ACOT11: variants seen among roughly 807,000 people sequenced by gnomAD.
The protein encoded by ACOT11 is acyl-coenzyme A thioesterase 11.
In ACOT11, 69 loss-of-function variants were observed where a neutral mutation model predicts 77.5. That is an observed-to-expected ratio of 0.89 (90% CI 0.73 to 1.09). The LOEUF (loss-of-function observed/expected upper bound fraction) is 1.09, where lower values mean the gene tolerates loss of function less well. Ranked by LOEUF, ACOT11 falls within the 50% of genes least tolerant of loss-of-function variation. The pLI is 0.00. For missense variants in ACOT11, 766 were observed against 813.7 expected, an observed-to-expected ratio of 0.94 and a Z score of 0.71; for synonymous variants, 279 against 313.0, an observed-to-expected ratio of 0.89 and a Z score of 1.15.
intron 1 of ACOT11, among the ~76,000 whole-genome samples, chr1:54,583,912 T>A (rs775108231): frequency 2.0e-5 from 3 of 152,132 alleles, no homozygotes; most frequent in African/African-American, 4.8e-5. Flanking sequence ...CCCTTTCCTC[T>A]TCCTCCCTTC....
exon 17 of ACOT11, chr1:54,635,613 C>G (rs1440351628): frequency 5.1e-6 from 1 of 197,870 alleles, no homozygotes; most frequent in Admixed American, 6.0e-5. Context: ...CTTAAAGGAG[C>G]TGCAGAAAAA....
At chr1:54,589,436 C>T (rs1654627162) in intron 3 of ACOT11, among the ~76,000 whole-genome samples, 1 of 150,558 alleles carries the variant, frequency 6.6e-6, no homozygotes, top group African/African-American at 2.4e-5. Flanking sequence ...AATGCCCAAA[C>T]TGTCTCATGA....
chr1:54,601,376 A>G lies in ACOT11; in HGVS notation c.992A>G (p.Gln331Arg). The change falls in exon 9 of 16, where the codon CAG becomes CGG. Residue 331 changes from glutamine to arginine, a missense_variant. Coordinates refer to ENST00000343744, the MANE Select transcript of ACOT11 (RefSeq NM_147161.4). ...MTFVVLDADDQPQLLPWIRPQ... is the reference protein window; with the variant it reads ...MTFVVLDADDRPQLLPWIRPQ... ...TTTGTGGTCCTGGACGCAGATGACC[A>G]GCCCCAGTTGCTGCCCTGGATTCGG... 6.2e-7 allele frequency: 1 copy of G among 1,613,560 alleles called. No individual in the cohort carries two copies. Among genetic ancestry groups the G allele is most frequent in the East Asian group, 2.2e-5 (1 of 44,880 alleles).
At chr1:54,562,403 G>A (rs1287804229) in intron 1 of ACOT11, among the ~76,000 whole-genome samples, 1 of 73,788 alleles carries the variant, frequency 1.4e-5, no homozygotes, top group East Asian at 3.8e-4. Context: ...GGGCAGAGGC[G>A]CCCCTCACCT....
intron 1 of ACOT11, among the ~76,000 whole-genome samples, chr1:54,564,592 G>A (rs1231414149): frequency 1.3e-5 from 2 of 152,242 alleles, no homozygotes; most frequent in African/African-American, 2.4e-5. Flanking sequence ...CCACACCTGG[G>A]CCGAGCTGAA....
At chr1:54,585,547 TC>T (rs1217065144) in intron 2 of ACOT11, among the ~76,000 whole-genome samples, 3 of 152,224 alleles carry the variant, frequency 2.0e-5, no homozygotes, top group Non-Finnish European at 4.4e-5. Flanking sequence ...CAGGCACTGT[TC>T]CAGGACTGGG....
At chr1:54,629,891 TA>T (rs1302709603) in intron 15 of ACOT11, among the ~76,000 whole-genome samples, 1 of 132,794 alleles carries the variant, frequency 7.5e-6, no homozygotes, top group African/African-American at 2.6e-5. Context: ...GTTTAATGTT[TA>T]TTTTTTTATT....
intron 15 of ACOT11, among the ~76,000 whole-genome samples, chr1:54,625,968 A>C (rs1053509634): frequency 7.0e-6 from 1 of 142,474 alleles, no homozygotes; most frequent in Non-Finnish European, 1.6e-5. Flanking sequence ...GAAAGAAAAA[A>C]AGAAAAGAAA....
chr1:54,605,212 G>A lies in ACOT11; in HGVS notation c.1370+3G>A. ...CCAGAGTGGGACAAGCACTACCGGT[G>A]AGGGGCCAGGGTGAGGGCAGGGCAG... On this transcript the variant is annotated splice_donor_region_variant and intron_variant, in intron 13 of 15. Coordinates refer to ENST00000343744, the MANE Select transcript of ACOT11 (RefSeq NM_147161.4). 1.9e-6 allele frequency: 3 copies of A among 1,612,510 alleles called. No individual in the cohort carries two copies. Among genetic ancestry groups the A allele is most frequent in the Non-Finnish European group, 2.5e-6 (3 of 1,179,952 alleles).
chr1:54,612,273 A>G (rs1165930510), downstream of ACOT11, among the ~76,000 whole-genome samples: 1 of 151,634 alleles, frequency 6.6e-6, no homozygotes, highest in Non-Finnish European at 1.5e-5. Flanking sequence ...GAGGGCAGAG[A>G]ATTACCCACC....
chr1:54,565,333 A>T (rs2100953917), intron 1 of ACOT11, among the ~76,000 whole-genome samples: 1 of 152,284 alleles, frequency 6.6e-6, no homozygotes, highest in South Asian at 2.1e-4. Context: ...GGCTCATATC[A>T]TGCAGAAGGT....
intron 1 of ACOT11, among the ~76,000 whole-genome samples, chr1:54,566,231 C>A (rs1433274553): frequency 6.6e-6 from 1 of 152,044 alleles, no homozygotes; most frequent in Non-Finnish European, 1.5e-5. Context: ...CCGAGGCAGG[C>A]GGATCACTTG....
Position 54,609,116 on chromosome 1 carries a change from C to A in ACOT11, c.*4C>A, listed in dbSNP as rs758152778. 3 of 1,613,954 alleles carry A rather than the reference C, an allele frequency of 1.9e-6. No homozygotes were observed. The highest frequency in any genetic ancestry group is 2.5e-6 in the Non-Finnish European group (3 of 1,179,954). ...CCCCAGCCTCCAGACCCTCTAGATG[C>A]CCTCAGTGGCCACATCATGCCCACT... is the stretch of plus-strand genomic sequence containing the variant. On this transcript the variant is annotated 3_prime_UTR_variant, in exon 16 of 16. Coordinates refer to ENST00000343744, the MANE Select transcript of ACOT11 (RefSeq NM_147161.4).
chr1:54,601,918 C>T (rs978544434), intron 9 of ACOT11, among the ~76,000 whole-genome samples: 5 of 152,244 alleles, frequency 3.3e-5, no homozygotes, highest in Non-Finnish European at 7.3e-5. Context: ...AGTCAGGAGC[C>T]TGGTGCAAGG....
intron 1 of ACOT11, among the ~76,000 whole-genome samples, chr1:54,579,933 A>G (rs182487341): frequency 2.0e-5 from 3 of 152,272 alleles, no homozygotes; most frequent in East Asian, 1.9e-4. Context: ...ACTTTGAACT[A>G]TGTTTGGGTC....
intron 10 of ACOT11, 23 bp from the exon 11 acceptor site, chr1:54,603,848 T>C: frequency 1.2e-6 from 2 of 1,612,546 alleles, no homozygotes; most frequent in African/African-American, 1.3e-5. Flanking sequence ...GGGACCAAGG[T>C]TGTCATCTTC....
At chr1:54,598,477 T>A (rs1643914639) in intron 7 of ACOT11, 1 of 152,310 alleles carries the variant, frequency 6.6e-6, no homozygotes, top group African/African-American at 2.4e-5. Flanking sequence ...TGGGCAGAAC[T>A]GCCACTGGGT....
intron 1 of ACOT11, among the ~76,000 whole-genome samples, chr1:54,575,109 CA>C (rs1291692116): frequency 2.8e-5 from 4 of 142,450 alleles, no homozygotes; most frequent in Non-Finnish European, 5.9e-5. Flanking sequence ...TACAAGCAAG[CA>C]GGTGTCTTCA....
intron 1 of ACOT11, among the ~76,000 whole-genome samples, chr1:54,568,825 G>A (rs555757780): frequency 9.9e-4 from 151 of 152,092 alleles, no homozygotes; most frequent in African/African-American, 3.5e-3. Context: ...ATAGCTCATC[G>A]TAACCTTGAA....
Sources: gnomAD v4.1 joint callset for allele counts (sites outside exome capture counted in the v4.1 genomes callset) on GRCh38, gnomAD v4.1.1 for gene constraint, MANE v1.5 for transcripts, NCBI Gene and HGNC (gene_info 2026-07-23, HGNC 2026-07-21) for gene names.